The following HDAC2 variants were observed in gnomAD, a reference collection of about 807,000 sequenced individuals.
HDAC2 encodes the protein histone deacetylase 2.
A neutral mutation model predicts 68.5 loss-of-function variants in HDAC2; 5 were observed. That is an observed-to-expected ratio of 0.07 (90% CI 0.04 to 0.15). The LOEUF (loss-of-function observed/expected upper bound fraction) is 0.15, where lower values mean the gene tolerates loss of function less well. Among genes scored for constraint, HDAC2 ranks in the 10% least tolerant of loss-of-function variants. The probability of loss-of-function intolerance (pLI) is 1.00; values close to 1 mark genes in which losing one functional copy is unlikely to be tolerated. For synonymous variants in HDAC2, 182 were observed against 191.3 expected (o/e 0.95, Z 0.40); for missense variants, 291 against 600.8 (o/e 0.48, Z 5.39).
chr6:113,951,811 C>T (rs905827221), intron 6 of HDAC2, among the ~76,000 whole-genome samples: 1 of 152,158 alleles, frequency 6.6e-6, no homozygotes, highest in Non-Finnish European at 1.5e-5. Context: ...TGTTGAAAGC[C>T]ATTCTCAAAT....
intron 5 of HDAC2, among the ~76,000 whole-genome samples, chr6:113,955,029 TA>T: frequency 6.6e-6 from 1 of 152,280 alleles, no homozygotes; most frequent in African/African-American, 2.4e-5. Flanking sequence ...ACTCAATAGG[TA>T]AAAAAATTTC....
At position 113,955,456 on chromosome 6, in the gene HDAC2, C is replaced by T. The variant is rs150289274; in HGVS notation, c.497+557G>A. 2.1e-3 allele frequency among the ~76,000 whole-genome samples: 324 copies of T among 152,282 alleles called. 9 individuals are homozygous for T. The East Asian group carries it at 0.054, about 25-fold the overall frequency. On this transcript the variant is annotated intron_variant, in intron 5 of 13. Coordinates refer to ENST00000519065, the MANE Select transcript of HDAC2 (RefSeq NM_001527.4). ...TCAAACCCCTGACCTCATAATCCACCCACCTCGTCCTCCCAAAGTGCTGGG... is the reference window on the plus strand; with the variant it reads ...TCAAACCCCTGACCTCATAATCCACTCACCTCGTCCTCCCAAAGTGCTGGG...
At chr6:113,956,782 T>C in intron 3 of HDAC2, 89 bp from the exon 4 acceptor site, 3 of 911,884 alleles carry the variant, frequency 3.3e-6, no homozygotes, top group Non-Finnish European at 3.6e-6. Flanking sequence ...CAAATACTTT[T>C]TTGCTTGATG....
rs1776040181 is a variant in HDAC2 at position 113,937,886 on chromosome 6, A to G, written c.*3172T>C. On this transcript the variant is annotated 3_prime_UTR_variant, in exon 14 of 14. Transcript: ENST00000519065. ...TAAACAGCCAGGTGCGGCAGCTCAC[A>G]CCTGTAATCCCAGCACTTTGGAAGG... 1 of 152,240 alleles carries G rather than the reference A, an allele frequency of 6.6e-6. No individual in the cohort carries two copies. Among genetic ancestry groups the G allele is most frequent in the Non-Finnish European group, 1.5e-5 (1 of 68,108 alleles). 9.4% of individuals were successfully genotyped at this position (152,240 alleles called of 1,614,324 possible).
intron 6 of HDAC2, among the ~76,000 whole-genome samples, chr6:113,951,762 C>T (rs1037147555): frequency 2.6e-5 from 4 of 152,132 alleles, no homozygotes; most frequent in Non-Finnish European, 5.9e-5. Context: ...ACACCGCGCC[C>T]GGCCCAGCGA....
chr6:113,969,518 T>C (rs759677698), intron 1 of HDAC2, among the ~76,000 whole-genome samples: 1 of 152,224 alleles, frequency 6.6e-6, no homozygotes, highest in African/African-American at 2.4e-5. Flanking sequence ...AAAATTTGTA[T>C]TGCTTCCTAC....
chr6:113,952,955 A>G (rs1408027624), intron 6 of HDAC2, among the ~76,000 whole-genome samples: 1 of 152,232 alleles, frequency 6.6e-6, no homozygotes, highest in African/African-American at 2.4e-5. Flanking sequence ...TTTACAATCA[A>G]TAGCAACGTA....
intron 3 of HDAC2, among the ~76,000 whole-genome samples, chr6:113,957,740 C>T (rs747893676): frequency 1.2e-4 from 18 of 151,962 alleles, no homozygotes; most frequent in Non-Finnish European, 2.2e-4. Context: ...CACTCACCTC[C>T]GCCTCCCAAA....
rs34412922 is a variant in HDAC2 at position 113,950,700 on chromosome 6, T to TGGG, written c.640-1443_640-1441dup. ...CATGAGCCACTGCGCCTGAGTGGGG[T>TGGG]GGGGGGGGGGTGCCTAATTCTTATG... On this transcript the variant is annotated intron_variant, in intron 6 of 13. Coordinates refer to ENST00000519065, the MANE Select transcript of HDAC2 (RefSeq NM_001527.4). 1.9e-3 allele frequency among the ~76,000 whole-genome samples: 121 copies of TGGG among 62,490 alleles called. 1 individual carries two copies. The highest frequency in any genetic ancestry group is 6.8e-3 in the African/African-American group (118 of 17,242). 41.0% of individuals were successfully genotyped at this position (62,490 alleles called of 152,430 possible).
At chr6:113,962,448 C>A (rs979266528) in intron 1 of HDAC2, 7 of 454,900 alleles carry the variant, frequency 1.5e-5, no homozygotes, top group Non-Finnish European at 5.8e-6. Context: ...GGCTTAGGGT[C>A]TTGGTTAATT....
chr6:113,963,461 A>C lies in HDAC2; in HGVS notation c.53-3443T>G, dbSNP rs186334712. Among the ~76,000 whole-genome samples, 109 of 152,318 alleles carry C rather than the reference A, an allele frequency of 7.2e-4. 1 individual carries two copies. In the Middle Eastern group the frequency reaches 0.041, roughly 57 times the overall value. ...TTATTCATCATTTAAATGGTCAGTA[A>C]TGTATTAATAATTTGGGCATTTTAA... is the stretch of plus-strand genomic sequence containing the variant. On this transcript the variant is annotated intron_variant, in intron 1 of 13. Coordinates refer to ENST00000519065, the MANE Select transcript of HDAC2 (RefSeq NM_001527.4).
In HDAC2 at chr6:113,945,347, T is replaced by C. The variant is rs1240014254; in HGVS notation, c.1091+15A>G. 3.5e-6 allele frequency: 4 copies of C among 1,145,006 alleles called. No homozygotes were observed. The highest frequency in any genetic ancestry group is 5.3e-6 in the Non-Finnish European group (4 of 759,420). 70.9% of individuals were successfully genotyped at this position (1,145,006 alleles called of 1,614,324 possible). A position where few individuals can be genotyped will look rare whatever the true frequency, so the allele number is the denominator to read the frequency against. ...AAGATAAAATGTTTATCAAAACAAT[T>C]CAATGATTTCTTACTTTATCTTTTC... On this transcript the variant is annotated intron_variant, in intron 10 of 13. Coordinates refer to ENST00000519065, the MANE Select transcript of HDAC2 (RefSeq NM_001527.4).
intron 13 of HDAC2, 69 bp from the exon 14 acceptor site, chr6:113,941,157 A>C: frequency 8.7e-7 from 1 of 1,148,938 alleles, no homozygotes; most frequent in Non-Finnish European, 1.3e-6. Context: ...GACCTATTAT[A>C]TTGATCAGGT....
intron 13 of HDAC2, 39 bp from the exon 14 acceptor site, chr6:113,941,127 A>T (rs765968653): frequency 6.4e-7 from 1 of 1,568,336 alleles, no homozygotes; most frequent in Admixed American, 1.8e-5. Flanking sequence ...AAAATGGCAC[A>T]ATCTTGGTTT....
chr6:113,943,256 C>A, intron 12 of HDAC2, 95 bp downstream of exon 12: 2 of 901,242 alleles, frequency 2.2e-6, no homozygotes, highest in South Asian at 1.8e-5. Flanking sequence ...CTCCTGATAC[C>A]TGTGCAACTG....
chr6:113,949,942 A>T (rs1160463107), intron 6 of HDAC2, among the ~76,000 whole-genome samples: 2 of 151,984 alleles, frequency 1.3e-5, no homozygotes, highest in Admixed American at 1.3e-4. Context: ...CCACCATGCC[A>T]GGCTAATTTT....
At chr6:113,941,844 A>G (rs1482010223) in intron 12 of HDAC2, 79 bp from the exon 13 acceptor site, 13 of 409,118 alleles carry the variant, frequency 3.2e-5, no homozygotes, top group Non-Finnish European at 5.0e-5. Flanking sequence ...AATATACTTT[A>G]TTTTTAAAAT....
In HDAC2 at chr6:113,943,422, G is replaced by A; in HGVS notation, c.1307C>T (p.Ala436Val). ...DEGEGGRRNV[A>V]DHKKGAKKAR... is the part of the protein sequence containing the mutation. Reference sequence around the variant, plus strand: ...TTTCTTTGCTCCTTTCTTATGATCAGCCACATTTCTTCGACCTCCTTCTCC... The same window carrying A: ...TTTCTTTGCTCCTTTCTTATGATCAACCACATTTCTTCGACCTCCTTCTCC... Residue 436 changes from alanine (A) to valine (V), a missense_variant, in exon 12 of 14, where the codon GCT becomes GTT. By Grantham distance (64) the Ala-to-Val change is moderately conservative. Coordinates refer to ENST00000519065, the MANE Select transcript of HDAC2 (RefSeq NM_001527.4). 1 of 1,610,278 alleles carries A rather than the reference G, an allele frequency of 6.2e-7. No individual in the cohort carries two copies. The highest frequency in any genetic ancestry group is 8.5e-7 in the Non-Finnish European group (1 of 1,178,710).
intron 6 of HDAC2, among the ~76,000 whole-genome samples, chr6:113,950,859 T>TA (rs1212884345): frequency 6.6e-6 from 1 of 152,100 alleles, no homozygotes; most frequent in African/African-American, 2.4e-5. Context: ...CCCTCAATAT[T>TA]AGAGTTATGA....
Sources: gnomAD v4.1 joint callset for allele counts (sites outside exome capture counted in the v4.1 genomes callset) on GRCh38, gnomAD v4.1.1 for gene constraint, MANE v1.5 for transcripts, NCBI Gene and HGNC (gene_info 2026-07-23, HGNC 2026-07-21) for gene names.